Variants in CRYM observed in about 807,000 individuals in gnomAD.
The protein encoded by CRYM is crystallin mu, also known as ketimine reductase mu-crystallin.
CRYM carries 18 observed loss-of-function variants against 32.9 expected under a neutral mutation model. The observed-to-expected ratio is 0.55, with a 90% CI of 0.38 to 0.81. The LOEUF (loss-of-function observed/expected upper bound fraction) is 0.81. Ranked by LOEUF, CRYM falls within the 30% of genes least tolerant of loss-of-function variation. The pLI, the probability that CRYM is intolerant of heterozygous loss-of-function variation, is 0.00. For synonymous variants in CRYM, 153 were observed against 152.4 expected, an observed-to-expected ratio of 1.00 and a Z score of -0.03; for missense variants, 337 against 393.5, an observed-to-expected ratio of 0.86 and a Z score of 1.21.
rs145787995 is a variant in CRYM at position 21,267,704 on chromosome 16, C to A, written c.523G>T (p.Glu175Ter). ...CCTTGCACTGTGTCTGCAAACTTCT[C>A]TGCATTTTCTTTGGTGCGGTTCCAT... The part of the protein sequence containing the change: ...RIWNRTKENA[E>*]KFADTVQGEV... Residue 175 changes from glutamate (E) to a stop codon, truncating the protein, a stop_gained, in exon 5 of 8, where the codon GAG becomes TAG. Transcript: ENST00000572914. LOFTEE classifies it high-confidence loss of function. 3.3e-4 allele frequency: 531 copies of A among 1,614,256 alleles called. 1 individual carries two copies. In the African/African-American group the frequency reaches 5.4e-3, roughly 17 times the overall value.
intron 5 of CRYM, among the ~76,000 whole-genome samples, chr16:21,263,304 G>C (rs959763544): frequency 6.6e-6 from 1 of 152,168 alleles, no homozygotes; most frequent in Non-Finnish European, 1.5e-5. Context: ...GGGAGGCTGA[G>C]GCAGGAGAAT....
intron 3 of CRYM, among the ~76,000 whole-genome samples, chr16:21,273,337 T>G (rs2093380002): frequency 3.3e-5 from 5 of 152,352 alleles, no homozygotes; most frequent in Admixed American, 1.3e-4. Context: ...CCTTTGTTCC[T>G]TATTGAAACA....
intron 1 of CRYM, among the ~76,000 whole-genome samples, chr16:21,294,340 T>C (rs1960737614): frequency 1.3e-5 from 2 of 152,154 alleles, no homozygotes; most frequent in African/African-American, 4.8e-5. Context: ...ATTATTATTA[T>C]TTTTTTAAAT....
intron 1 of CRYM, among the ~76,000 whole-genome samples, chr16:21,302,613 G>C (rs904494292): frequency 3.3e-5 from 5 of 152,218 alleles, no homozygotes; most frequent in African/African-American, 4.8e-5. Flanking sequence ...GCTGTCGGAA[G>C]CATACTGAGT....
At chr16:21,302,303 A>T (rs1444230757) in intron 1 of CRYM, among the ~76,000 whole-genome samples, 1 of 152,220 alleles carries the variant, frequency 6.6e-6, no homozygotes, top group Non-Finnish European at 1.5e-5. Flanking sequence ...AGAGGAAAGG[A>T]TGCTATTGTA....
At chr16:21,301,858 G>A (rs1433260550) in intron 1 of CRYM, among the ~76,000 whole-genome samples, 2 of 152,176 alleles carry the variant, frequency 1.3e-5, no homozygotes, top group Non-Finnish European at 2.9e-5. Context: ...TTCAGCGGCG[G>A]AGGCGGAGGC....
At chr16:21,265,878 G>A (rs769180846) in intron 5 of CRYM, among the ~76,000 whole-genome samples, 5 of 152,146 alleles carry the variant, frequency 3.3e-5, no homozygotes, top group Non-Finnish European at 7.4e-5. Context: ...TTTAAAGCTT[G>A]GACTCTGAGG....
At chr16:21,267,290 G>A (rs571486871) in intron 5 of CRYM, among the ~76,000 whole-genome samples, 2 of 152,116 alleles carry the variant, frequency 1.3e-5, no homozygotes, top group South Asian at 2.1e-4. Flanking sequence ...TAGAGACGGG[G>A]TTTTGCCATG....
intron 4 of CRYM, among the ~76,000 whole-genome samples, chr16:21,269,143 CA>C (rs35798113): frequency 0.35 from 27,202 of 78,624 alleles, 2,182 homozygotes; most frequent in African/African-American, 0.47. Flanking sequence ...GACTCCATTT[CA>C]AAAAAAAAAA....
At chr16:21,261,787 A>G (rs1170758922) in intron 6 of CRYM, 2 of 510,788 alleles carry the variant, frequency 3.9e-6, no homozygotes, top group East Asian at 7.2e-5. Flanking sequence ...TTTAGAGGAC[A>G]GCCCAGCAAA....
chr16:21,280,825 T>G (rs948393400), upstream of CRYM, among the ~76,000 whole-genome samples: 13 of 152,138 alleles, frequency 8.5e-5, 1 homozygote. Context: ...GGAACATGGC[T>G]TGGGCACAGT....
chr16:21,290,226 T>G (rs981750650), intron 1 of CRYM, among the ~76,000 whole-genome samples: 10 of 152,208 alleles, frequency 6.6e-5, no homozygotes, highest in African/African-American at 2.2e-4. Context: ...GCTCACTGTT[T>G]GGGTCCACAC....
chr16:21,275,082 T>C (rs1033257614), intron 3 of CRYM, among the ~76,000 whole-genome samples: 1 of 152,228 alleles, frequency 6.6e-6, no homozygotes, highest in African/African-American at 2.4e-5. Flanking sequence ...CAGCCTCTTG[T>C]GTAGTACTAG....
intron 1 of CRYM, among the ~76,000 whole-genome samples, chr16:21,295,383 T>C (rs962254846): frequency 1.3e-5 from 2 of 152,356 alleles, no homozygotes; most frequent in Middle Eastern, 6.8e-3. Context: ...CATGAAATGG[T>C]ATCTCATTAT....
intron 7 of CRYM, among the ~76,000 whole-genome samples, chr16:21,260,136 G>A (rs149416926): frequency 7.2e-5 from 11 of 152,230 alleles, no homozygotes; most frequent in Admixed American, 3.3e-4. Flanking sequence ...TGGCCAGAGC[G>A]CTCCTGATGC....
At chr16:21,264,950 T>C (rs1288724579) in intron 5 of CRYM, among the ~76,000 whole-genome samples, 2 of 152,176 alleles carry the variant, frequency 1.3e-5, no homozygotes, top group African/African-American at 4.8e-5. Flanking sequence ...AGCCCGGATG[T>C]TGCCCAATTT....
chr16:21,267,631 T>C lies in CRYM; in HGVS notation c.596A>G (p.Asp199Gly), dbSNP rs200558048. Reference protein sequence around the residue: ...SSVQEAVAGADVIITVTLATE... With the variant: ...SSVQEAVAGAGVIITVTLATE... ...TGCCAGGGTGACTGTGATGATCACA[T>C]CTGCACCTGCCACAGCCTCCTGGAC... The change falls in exon 5 of 8, where the codon GAT becomes GGT. Residue 199 changes from aspartate (D) to glycine (G), a missense_variant. Coordinates refer to ENST00000572914, the MANE Select transcript of CRYM (RefSeq NM_001376256.1). 1 of 1,614,160 alleles carries C rather than the reference T, an allele frequency of 6.2e-7. No homozygotes were observed. The highest frequency in any genetic ancestry group is 8.5e-7 in the Non-Finnish European group (1 of 1,180,010).
intron 1 of CRYM, among the ~76,000 whole-genome samples, chr16:21,291,656 C>G (rs1483664803): frequency 6.6e-6 from 1 of 151,958 alleles, no homozygotes; most frequent in Non-Finnish European, 1.5e-5. Context: ...AATTTAACAC[C>G]CTTTTATGAT....
chr16:21,277,556 C>G lies in CRYM; in HGVS notation c.199G>C (p.Ala67Pro). The G allele has an allele frequency of 6.2e-7, 1 of 1,613,964 alleles. No homozygotes were observed. The highest frequency in any genetic ancestry group is 2.2e-5 in the East Asian group (1 of 44,884). The change falls in exon 2 of 8, where the codon GCT becomes CCT. Residue 67 changes from alanine (A) to proline (P), a missense_variant. By Grantham distance (27) the Ala-to-Pro change is conservative. Coordinates refer to ENST00000572914, the MANE Select transcript of CRYM (RefSeq NM_001376256.1). The surrounding 1 kb of genome is among the most constrained non-coding windows in gnomAD (Gnocchi z 4.2). ...GYLGVMPAYSAAEDALTTKLV... is the reference protein window; with the variant it reads ...GYLGVMPAYSPAEDALTTKLV... ...TTGGTGGTCAGTGCATCCTCTGCAG[C>G]ACTGTAGGCGGGCATGACCCCCAGG...
Sources: allele counts gnomAD v4.1 joint callset (sites outside exome capture counted in the v4.1 genomes callset), GRCh38; gene constraint gnomAD v4.1.1; non-coding constraint Gnocchi (gnomAD v3.1); transcripts MANE v1.5; gene names NCBI Gene and HGNC (gene_info 2026-07-23, HGNC 2026-07-21).